The following ANKRD11 variants were observed in gnomAD, a reference collection of about 807,000 sequenced individuals.
The protein encoded by ANKRD11 is ankyrin repeat domain-containing protein 11.
ANKRD11 carries 17 observed loss-of-function variants against 195.7 expected under a neutral mutation model. The ratio of observed to expected loss-of-function variants is 0.09; its 90% CI spans 0.06 to 0.13. The LOEUF (loss-of-function observed/expected upper bound fraction) is 0.13, where lower values mean the gene tolerates loss of function less well. Ranked by LOEUF, ANKRD11 falls within the 10% of genes least tolerant of loss-of-function variation. The pLI is 1.00. For synonymous variants in ANKRD11, 1,953 were observed against 1,528.1 expected (o/e 1.28, Z -6.49); for missense variants, 3,735 against 3,566.1 (o/e 1.05, Z -1.21).
chr16:89,341,123 G>A (rs1209915837), intron 2 of ANKRD11, among the ~76,000 whole-genome samples: 1 of 152,156 alleles, frequency 6.6e-6, no homozygotes, highest in Non-Finnish European at 1.5e-5. Context: ...TGCAATATTA[G>A]AAAAGAAATC....
intron 1 of ANKRD11, among the ~76,000 whole-genome samples, chr16:89,444,698 C>A (rs1342637863): frequency 4.6e-5 from 7 of 152,150 alleles, no homozygotes; most frequent in African/African-American, 1.7e-4. Flanking sequence ...GTAATCCCAG[C>A]ACTTTGGAAA....
intron 2 of ANKRD11, among the ~76,000 whole-genome samples, chr16:89,388,422 G>A (rs1429048062): frequency 6.6e-6 from 1 of 150,602 alleles, no homozygotes; most frequent in East Asian, 2.0e-4. Context: ...GAGCCACCAC[G>A]CCCAGCCTCC....
intron 7 of ANKRD11, 135 bp from the exon 8 acceptor site, chr16:89,286,321 G>C: frequency 7.8e-7 from 1 of 1,284,956 alleles, no homozygotes; most frequent in Non-Finnish European, 1.1e-6. Flanking sequence ...TGAGGGTGTG[G>C]GAGCCGAGCG....
intron 2 of ANKRD11, among the ~76,000 whole-genome samples, chr16:89,373,907 C>T (rs549515150): frequency 2.6e-5 from 4 of 152,194 alleles, no homozygotes; most frequent in African/African-American, 9.6e-5. Flanking sequence ...TCTTGGCAGG[C>T]GGTCCACACG....
At chr16:89,478,714 G>A (rs906125528) in intron 1 of ANKRD11, among the ~76,000 whole-genome samples, 1 of 152,226 alleles carries the variant, frequency 6.6e-6, no homozygotes, top group African/African-American at 2.4e-5. Context: ...TAAAGCGGGT[G>A]GCAGTTTCTG....
rs1597489640 is a variant in ANKRD11 at position 89,291,930 on chromosome 16, TAA to T, written c.227-749_227-748del. The T allele has an allele frequency of 1.3e-5, 6 of 453,768 alleles. No homozygotes were observed. In the East Asian group the frequency reaches 4.3e-4, roughly 33 times the overall value. 28.1% of individuals were successfully genotyped at this position (453,768 alleles called of 1,614,324 possible). A position where few individuals can be genotyped will look rare whatever the true frequency, so the allele number is the denominator to read the frequency against. On this transcript the variant is annotated intron_variant, in intron 4 of 12. Coordinates refer to ENST00000301030, the MANE Select transcript of ANKRD11 (RefSeq NM_013275.6). This position sits in a 1 kb window ranked among gnomAD's most constrained non-coding sequence, Gnocchi z 5.3. Reference sequence around the variant, plus strand: ...AACGCAACTCACGTGCTGTGTCTTTTAAAAGAGGCAGGAGGCAGGGGCGGGGA... The same window carrying T: ...AACGCAACTCACGTGCTGTGTCTTTTAAGAGGCAGGAGGCAGGGGCGGGGA...
chr16:89,310,318 A>G (rs1334681500), intron 3 of ANKRD11, among the ~76,000 whole-genome samples: 1 of 152,212 alleles, frequency 6.6e-6, no homozygotes, highest in African/African-American at 2.4e-5. Context: ...TGCTACCAAG[A>G]GGAAGCACAC....
intron 2 of ANKRD11, among the ~76,000 whole-genome samples, chr16:89,346,272 A>G (rs970099500): frequency 2.6e-4 from 37 of 142,812 alleles, no homozygotes; most frequent in African/African-American, 7.5e-4. Context: ...AAAAAAAAAG[A>G]ATCAACACAA....
intron 2 of ANKRD11, among the ~76,000 whole-genome samples, chr16:89,376,583 G>A (rs552776217): frequency 2.3e-4 from 35 of 152,170 alleles, no homozygotes; most frequent in Middle Eastern, 6.8e-3. Context: ...GACCACAGGC[G>A]CCCACCACCA....
intron 3 of ANKRD11, chr16:89,313,225 A>G: frequency 8.3e-7 from 1 of 1,204,870 alleles, no homozygotes; most frequent in South Asian, 1.4e-5. Flanking sequence ...GCGTGCATGG[A>G]GCACAATGAG....
At chr16:89,469,023 T>C (rs1440784540) in intron 1 of ANKRD11, among the ~76,000 whole-genome samples, 1 of 152,156 alleles carries the variant, frequency 6.6e-6, no homozygotes, top group African/African-American at 2.4e-5. Context: ...CTCAACCTCA[T>C]AAAGTGCCTT....
intron 2 of ANKRD11, among the ~76,000 whole-genome samples, chr16:89,370,404 T>A (rs147439504): frequency 6.6e-6 from 1 of 152,108 alleles, no homozygotes; most frequent in African/African-American, 2.4e-5. Context: ...CCAGTTAGGA[T>A]CCTACAGGAT....
chr16:89,430,245 C>T (rs1315150287), intron 1 of ANKRD11, among the ~76,000 whole-genome samples: 2 of 120,888 alleles, frequency 1.7e-5, no homozygotes, highest in African/African-American at 6.7e-5. Flanking sequence ...CGCGCTCAGT[C>T]GTTCTAGTAC....
chr16:89,362,894 A>G (rs1004373040), intron 2 of ANKRD11, among the ~76,000 whole-genome samples: 6 of 152,026 alleles, frequency 3.9e-5, no homozygotes, highest in Admixed American at 1.3e-4. Context: ...TTGCTAGCCA[A>G]TCGGGACAAA....
At chr16:89,324,323 T>C (rs2037559334) in intron 2 of ANKRD11, 1 of 1,252,874 alleles carries the variant, frequency 8.0e-7, no homozygotes, top group Non-Finnish European at 1.0e-6. Context: ...GACACAGCAG[T>C]CGGGGCGACG....
At chr16:89,296,841 A>AAT (rs1298526191) in intron 4 of ANKRD11, among the ~76,000 whole-genome samples, 1 of 151,738 alleles carries the variant, frequency 6.6e-6, no homozygotes, top group Non-Finnish European at 1.5e-5. Flanking sequence ...AGCAGCATAA[A>AAT]ACAGCACAAA....
chr16:89,426,566 C>CACACACACAA (rs3219947), intron 1 of ANKRD11, among the ~76,000 whole-genome samples: 2 of 151,296 alleles, frequency 1.3e-5, no homozygotes, highest in Non-Finnish European at 2.9e-5. Context: ...CACACACACA[C>CACACACACAA]AAATCTGAAA....
intron 1 of ANKRD11, among the ~76,000 whole-genome samples, chr16:89,443,716 A>T (rs1418114814): frequency 6.6e-6 from 1 of 152,188 alleles, no homozygotes; most frequent in African/African-American, 2.4e-5. Flanking sequence ...GAGCGGGAAC[A>T]CCCCTTTATT....
At chr16:89,412,825 C>G (rs2042152243) in intron 2 of ANKRD11, among the ~76,000 whole-genome samples, 1 of 152,172 alleles carries the variant, frequency 6.6e-6, no homozygotes, top group African/African-American at 2.4e-5. Context: ...ATATTATAAC[C>G]TACAAACAAA....
Sources: gnomAD v4.1 joint callset for allele counts (sites outside exome capture counted in the v4.1 genomes callset) on GRCh38, gnomAD v4.1.1 for gene constraint, Gnocchi (gnomAD v3.1) non-coding constraint, MANE v1.5 for transcripts, NCBI Gene and HGNC (gene_info 2026-07-23, HGNC 2026-07-21) for gene names.